TANC2: variants seen among roughly 807,000 people sequenced by gnomAD.
The protein encoded by TANC2 is tetratricopeptide repeat, ankyrin repeat and coiled-coil containing 2, also known as protein TANC2.
TANC2 carries 26 observed loss-of-function variants against 210.5 expected under a neutral mutation model. That is an observed-to-expected ratio of 0.12 (90% CI 0.09 to 0.17). TANC2 has a LOEUF of 0.17. TANC2 is among the 10% of genes least tolerant of loss of function. TANC2 has a pLI of 1.00. For missense variants in TANC2, 2,129 were observed against 2,608.9 expected, an observed-to-expected ratio of 0.82 and a Z score of 4.01; for synonymous variants, 931 against 967.1, an observed-to-expected ratio of 0.96 and a Z score of 0.69.
At chr17:63,073,360 T>C (rs2036464575) in intron 2 of TANC2, among the ~76,000 whole-genome samples, 1 of 152,090 alleles carries the variant, frequency 6.6e-6, no homozygotes, top group Non-Finnish European at 1.5e-5. Flanking sequence ...TATACTGTTT[T>C]GGTTATTTCT....
chr17:63,171,818 TG>T (rs1337174373), intron 5 of TANC2, among the ~76,000 whole-genome samples: 2 of 152,258 alleles, frequency 1.3e-5, no homozygotes, highest in African/African-American at 4.8e-5. Context: ...AAATCCTCTT[TG>T]GTACTGTGGA....
At chr17:63,092,795 C>T (rs1456817734) in intron 3 of TANC2, among the ~76,000 whole-genome samples, 1 of 152,078 alleles carries the variant, frequency 6.6e-6, no homozygotes, top group East Asian at 1.9e-4. Flanking sequence ...CCAAACACCT[C>T]CCAACAGGCC....
intron 4 of TANC2, among the ~76,000 whole-genome samples, chr17:63,099,792 T>A (rs2037556397): frequency 6.6e-6 from 1 of 152,128 alleles, no homozygotes; most frequent in Admixed American, 6.6e-5. Flanking sequence ...TATATTTTTT[T>A]AAAAGATAAT....
chr17:63,263,003 A>C (rs1205072213), intron 8 of TANC2, among the ~76,000 whole-genome samples: 2 of 152,144 alleles, frequency 1.3e-5, no homozygotes, highest in African/African-American at 4.8e-5. Flanking sequence ...AAGTTCCCTA[A>C]ACTAGCTTTC....
chr17:62,984,737 G>C (rs1010329784), intron 1 of TANC2, among the ~76,000 whole-genome samples: 2 of 151,940 alleles, frequency 1.3e-5, no homozygotes, highest in Non-Finnish European at 1.5e-5. Context: ...TCTGGAGCAG[G>C]TTGTTTTATT....
chr17:63,245,200 T>C (rs945678945), intron 8 of TANC2, among the ~76,000 whole-genome samples: 13 of 152,212 alleles, frequency 8.5e-5, no homozygotes, highest in African/African-American at 3.1e-4. Flanking sequence ...TAATGTCTTG[T>C]TCTTAATGCC....
At chr17:63,378,269 A>G (rs541313435) in intron 14 of TANC2, among the ~76,000 whole-genome samples, 1 of 152,308 alleles carries the variant, frequency 6.6e-6, no homozygotes, top group East Asian at 1.9e-4. Flanking sequence ...TATGGAAGAT[A>G]TAAGTAATTC....
At chr17:63,187,828 T>C (rs1424093551) in intron 5 of TANC2, among the ~76,000 whole-genome samples, 1 of 151,714 alleles carries the variant, frequency 6.6e-6, no homozygotes, top group Non-Finnish European at 1.5e-5. Context: ...GAAAAAAAAA[T>C]TCAAGACAGA....
chr17:63,339,295 G>A (rs963688767), intron 11 of TANC2, among the ~76,000 whole-genome samples: 2 of 152,096 alleles, frequency 1.3e-5, no homozygotes, highest in African/African-American at 4.8e-5. Flanking sequence ...CCAGAAAAGT[G>A]GTCCAGATTA....
chr17:63,283,302 T>G (rs777764110), intron 9 of TANC2, among the ~76,000 whole-genome samples: 3 of 151,990 alleles, frequency 2.0e-5, no homozygotes, highest in Admixed American at 6.6e-5. Context: ...ATTTCTGGAC[T>G]TCTGTTTCAC....
rs530756235 is a variant in TANC2 at position 63,257,159 on chromosome 17, A to G, written c.1034-10589A>G. Among the ~76,000 whole-genome samples, 6 of 149,066 alleles carry G rather than the reference A, an allele frequency of 4.0e-5. No homozygotes were observed. The South Asian group carries it at 1.3e-3, about 31-fold the overall frequency. ...CCATTTACGTTCAAGGTTGTTATTG[A>G]TGAGGAAAGACTTACTCCTGCCATT... is the stretch of plus-strand genomic sequence containing the variant. On this transcript the variant is annotated intron_variant, in intron 8 of 27. Coordinates refer to ENST00000689528, the Ensembl canonical transcript of TANC2.
intron 5 of TANC2, among the ~76,000 whole-genome samples, chr17:63,164,212 G>A (rs2040128822): frequency 7.0e-6 from 1 of 143,590 alleles, no homozygotes; most frequent in African/African-American, 2.6e-5. Flanking sequence ...ATAGCTCACT[G>A]CAGCCTCAAC....
At chr17:63,285,768 A>C (rs962091895) in intron 9 of TANC2, among the ~76,000 whole-genome samples, 4 of 152,190 alleles carry the variant, frequency 2.6e-5, no homozygotes, top group Admixed American at 6.5e-5. Flanking sequence ...TTCATGACCC[A>C]AGATTTTTAT....
chr17:63,259,937 T>G (rs2043307173), intron 8 of TANC2, among the ~76,000 whole-genome samples: 1 of 152,240 alleles, frequency 6.6e-6, no homozygotes, highest in African/African-American at 2.4e-5. Flanking sequence ...TTTTGTTTCT[T>G]ACTGCAGAAA....
intron 9 of TANC2, among the ~76,000 whole-genome samples, chr17:63,271,260 G>C (rs537126557): frequency 1.4e-4 from 21 of 152,104 alleles, no homozygotes; most frequent in Admixed American, 9.8e-4. Flanking sequence ...TGGTTGAACT[G>C]ATTGTGGAAA....
chr17:63,262,847 C>T (rs2043407745), intron 8 of TANC2, among the ~76,000 whole-genome samples: 1 of 151,986 alleles, frequency 6.6e-6, no homozygotes, highest in South Asian at 2.1e-4. Flanking sequence ...TGTCGTTGTC[C>T]CTAATGTTTT....
intron 3 of TANC2, among the ~76,000 whole-genome samples, chr17:63,092,734 A>G (rs2037245940): frequency 6.6e-6 from 1 of 152,050 alleles, no homozygotes; most frequent in Non-Finnish European, 1.5e-5. Context: ...ATGAGAACTC[A>G]CTATCACGAA....
chr17:63,358,433 G>GT (rs1436096107), intron 14 of TANC2, among the ~76,000 whole-genome samples: 1 of 148,728 alleles, frequency 6.7e-6, no homozygotes, highest in African/African-American at 2.5e-5. Context: ...GTATCAAACT[G>GT]TAAGCAGAGT....
exon 17 of TANC2, chr17:63,389,479 C>T (rs907144217): frequency 6.2e-7 from 1 of 1,613,644 alleles, no homozygotes; most frequent in African/African-American, 1.3e-5. Context: ...CCTGACTCCC[C>T]TGGGATATGC....
Sources: gnomAD v4.1 joint callset for allele counts (sites outside exome capture counted in the v4.1 genomes callset) on GRCh38, gnomAD v4.1.1 for gene constraint, MANE v1.5 for transcripts, NCBI Gene and HGNC (gene_info 2026-07-23, HGNC 2026-07-21) for gene names.